NLK: variants seen among roughly 807,000 people sequenced by gnomAD.
NLK encodes the protein serine/threonine-protein kinase NLK.
A neutral mutation model predicts 59.0 loss-of-function variants in NLK; 11 were observed. The ratio of observed to expected loss-of-function variants is 0.19; its 90% confidence interval spans 0.12 to 0.31. The LOEUF is 0.31. Ranked by LOEUF, NLK falls within the 10% of genes least tolerant of loss-of-function variation. The pLI is 1.00. For missense variants in NLK, 410 were observed against 661.1 expected (o/e 0.62, Z 4.16); for synonymous variants, 235 against 235.9 (o/e 1.00, Z 0.03).
intron 3 of NLK, among the ~76,000 whole-genome samples, chr17:28,134,861 T>C (rs1240826422): frequency 6.6e-6 from 1 of 152,140 alleles, no homozygotes; most frequent in African/African-American, 2.4e-5. Flanking sequence ...AACCTAAGGG[T>C]AGAAGGATTG....
intron 2 of NLK, among the ~76,000 whole-genome samples, chr17:28,129,999 G>A (rs1274844136): frequency 6.6e-6 from 1 of 152,120 alleles, no homozygotes. Flanking sequence ...AATGTGTTTG[G>A]TAATGACTAT....
chr17:28,187,806 T>C (rs932161325), intron 8 of NLK, among the ~76,000 whole-genome samples: 1 of 152,142 alleles, frequency 6.6e-6, no homozygotes, highest in Non-Finnish European at 1.5e-5. Context: ...TGTGGTGTAG[T>C]TGTAGTTATA....
chr17:28,200,304 T>C (rs1273931386), downstream of NLK, among the ~76,000 whole-genome samples: 1 of 152,186 alleles, frequency 6.6e-6, no homozygotes. Flanking sequence ...CTTTTAGATA[T>C]ATGATCCATT....
At chr17:28,157,566 G>A (rs1468446266) in intron 3 of NLK, among the ~76,000 whole-genome samples, 2 of 151,802 alleles carry the variant, frequency 1.3e-5, no homozygotes, top group African/African-American at 4.8e-5. Context: ...GGCTCAAGCA[G>A]TCCACCCTCC....
intron 1 of NLK, among the ~76,000 whole-genome samples, chr17:28,067,878 C>T (rs559400496): frequency 4.6e-5 from 7 of 151,694 alleles, no homozygotes; most frequent in South Asian, 4.2e-4. Flanking sequence ...TGGTGGCTCA[C>T]ACCTATAATC....
At chr17:28,043,807 TGATCTCCAGAAGAAA>T (rs1908959024) in intron 1 of NLK, among the ~76,000 whole-genome samples, 1 of 152,270 alleles carries the variant, frequency 6.6e-6, no homozygotes, top group Non-Finnish European at 1.5e-5. Flanking sequence ...TTTGTGATCT[TGATCTCCAGAAGAAA>T]GATAGGATTC....
intron 1 of NLK, among the ~76,000 whole-genome samples, chr17:28,087,737 T>G (rs76883684): frequency 2.4e-3 from 361 of 151,530 alleles, no homozygotes; most frequent in African/African-American, 8.3e-3. Context: ...TGCTCCAAGT[T>G]TTTGAAAGTG....
chr17:28,096,482 A>G (rs1022068844), intron 1 of NLK, among the ~76,000 whole-genome samples: 1 of 152,202 alleles, frequency 6.6e-6, no homozygotes, highest in Non-Finnish European at 1.5e-5. Flanking sequence ...AGTCTCAGAT[A>G]TCTAGTCCTA....
chr17:28,108,033 A>G (rs1905272699), intron 1 of NLK, among the ~76,000 whole-genome samples: 1 of 152,170 alleles, frequency 6.6e-6, no homozygotes, highest in South Asian at 2.1e-4. Flanking sequence ...CAGGAGTTTG[A>G]GCCCAGCCTG....
At chr17:28,111,896 GGTGTGTGTGTGTGTGT>G (rs747211468) in intron 1 of NLK, among the ~76,000 whole-genome samples, 18 of 67,480 alleles carry the variant, frequency 2.7e-4, no homozygotes, top group Admixed American at 1.1e-3. Flanking sequence ...GTGTGTGTGT[GGTGTGTGTGTGTGTGT>G]GTGTGTGTGT....
chr17:28,071,283 T>C (rs1909998945), intron 1 of NLK, among the ~76,000 whole-genome samples: 1 of 152,240 alleles, frequency 6.6e-6, no homozygotes, highest in Non-Finnish European at 1.5e-5. Context: ...CTAGAAGCTT[T>C]GTGTTTTCAT....
rs1023466479 is a variant in NLK, at chr17:28,089,553, A to G, written c.459-33050A>G. On this transcript the variant is annotated intron_variant, in intron 1 of 10. Coordinates refer to ENST00000407008, the MANE Select transcript of NLK (RefSeq NM_016231.5). ...AACAAAACTCCTTGGACATTCATATATAAGTCTTTGCATGGACATATGCCT... is the reference window on the plus strand; with the variant it reads ...AACAAAACTCCTTGGACATTCATATGTAAGTCTTTGCATGGACATATGCCT... 2.9e-4 allele frequency among the ~76,000 whole-genome samples: 44 copies of G among 151,958 alleles called. 1 individual carries two copies. Among genetic ancestry groups the G allele is most frequent in the Admixed American group, 2.2e-3 (34 of 15,260 alleles).
intron 1 of NLK, among the ~76,000 whole-genome samples, chr17:28,113,521 TG>T (rs1905616834): frequency 6.6e-6 from 1 of 152,246 alleles, no homozygotes; most frequent in Non-Finnish European, 1.5e-5. Flanking sequence ...GGTAACTTCT[TG>T]GTGTTGCCAT....
chr17:28,132,577 C>T (rs571611475), intron 2 of NLK, 43 bp from the exon 3 acceptor site: 226 of 1,500,302 alleles, frequency 1.5e-4, no homozygotes, highest in Non-Finnish European at 2.0e-4. Context: ...ATTTTGTTTC[C>T]TTTTTTGTTC....
chr17:28,129,468 GGGCTAAAATGTC>G (rs1260538641), intron 2 of NLK, among the ~76,000 whole-genome samples: 1 of 151,904 alleles, frequency 6.6e-6, no homozygotes, highest in Middle Eastern at 3.4e-3. Flanking sequence ...AAAAGCAAAG[GGGCTAAAATGTC>G]TAATTTCTTA....
intron 3 of NLK, 148 bp downstream of exon 3, chr17:28,132,823 C>A: frequency 1.5e-6 from 1 of 686,286 alleles, no homozygotes; most frequent in Non-Finnish European, 2.5e-6. Flanking sequence ...ATTTTGAAAT[C>A]CTGTGTGTCT....
At chr17:28,102,832 A>G (rs1904949510) in intron 1 of NLK, among the ~76,000 whole-genome samples, 1 of 152,054 alleles carries the variant, frequency 6.6e-6, no homozygotes, top group Non-Finnish European at 1.5e-5. Context: ...AGTTTCTCCC[A>G]TGGGACAGAA....
intron 1 of NLK, among the ~76,000 whole-genome samples, chr17:28,079,933 AC>A (rs1910289077): frequency 6.6e-6 from 1 of 152,120 alleles, no homozygotes; most frequent in South Asian, 2.1e-4. Flanking sequence ...TCTTCTAGGA[AC>A]TTTATTGTTT....
intron 3 of NLK, among the ~76,000 whole-genome samples, chr17:28,156,312 A>T (rs1281562626): frequency 1.3e-5 from 2 of 152,200 alleles, no homozygotes; most frequent in African/African-American, 4.8e-5. Context: ...ATAACCAAAC[A>T]TCACATTATT....
Sources: gnomAD v4.1 joint callset for allele counts (sites outside exome capture counted in the v4.1 genomes callset) on GRCh38, gnomAD v4.1.1 for gene constraint, MANE v1.5 for transcripts, NCBI Gene and HGNC (gene_info 2026-07-23, HGNC 2026-07-21) for gene names.